Variants in VSIG10 observed in about 807,000 individuals in gnomAD.
VSIG10 encodes the protein V-set and immunoglobulin domain containing 10.
A neutral mutation model predicts 58.7 loss-of-function variants in VSIG10; 48 were observed. The ratio of observed to expected loss-of-function variants is 0.82; its 90% CI spans 0.65 to 1.04. VSIG10 has a LOEUF of 1.04. Among genes scored for constraint, VSIG10 ranks in the 50% least tolerant of loss-of-function variants. VSIG10 has a pLI of 0.00. For missense variants in VSIG10, 628 were observed against 670.0 expected (o/e 0.94, Z 0.69); for synonymous variants, 260 against 267.1 (o/e 0.97, Z 0.26).
At position 118,103,870 on chromosome 12, in the gene VSIG10, C is replaced by T. The variant is rs1161171364; in HGVS notation, c.-199G>A. On this transcript the variant is annotated 5_prime_UTR_variant, in exon 1 of 9. Coordinates refer to ENST00000359236, the MANE Select transcript of VSIG10 (RefSeq NM_019086.6). ...CGGCAGCGGAGCTCGGCTGCAGGCT[C>T]GGGTCCCCGCTCCCGAGCGCCCTGG... 2 of 458,700 alleles carry T rather than the reference C, an allele frequency of 4.4e-6. No individual in the cohort carries two copies. The highest frequency in any genetic ancestry group is 5.8e-4 in the Middle Eastern group (1 of 1,710). 28.4% of individuals were successfully genotyped at this position (458,700 alleles called of 1,614,324 possible).
chr12:118,095,870 C>T, intron 1 of VSIG10, 56 bp from the exon 2 acceptor site: 1 of 1,531,988 alleles, frequency 6.5e-7, no homozygotes, highest in East Asian at 2.4e-5. Flanking sequence ...AACAATGTCC[C>T]TTTTTGGACA....
chr12:118,088,785 G>A (rs2033208340), intron 2 of VSIG10, among the ~76,000 whole-genome samples: 1 of 152,038 alleles, frequency 6.6e-6, no homozygotes, highest in South Asian at 2.1e-4. Flanking sequence ...TCTGTGTCTG[G>A]TTTTCACAAA....
intron 2 of VSIG10, among the ~76,000 whole-genome samples, chr12:118,087,206 C>A (rs1566170732): frequency 6.6e-6 from 1 of 152,034 alleles, no homozygotes; most frequent in Admixed American, 6.6e-5. Context: ...CTTCACCTTT[C>A]AATTAACAGG....
At position 118,103,692 on chromosome 12, in the gene VSIG10, AG is replaced by A. The variant is rs765009199; in HGVS notation, c.-22del. 3.4e-6 allele frequency: 5 copies of A among 1,473,332 alleles called. No homozygotes were observed. Among genetic ancestry groups the A allele is most frequent in the Non-Finnish European group, 4.5e-6 (5 of 1,117,082 alleles). The allele number at this position is 1,473,332 out of a possible 1,614,324, so 91.3% of individuals were successfully genotyped here. ...GCCATCTCGCCCCAGATCCCGGCTC[AG>A]GAAACGCAGGCTCGGGCTGGGCTGG... On this transcript the variant is annotated 5_prime_UTR_variant, in exon 1 of 9. Coordinates refer to ENST00000359236, the MANE Select transcript of VSIG10 (RefSeq NM_019086.6).
chr12:118,084,496 C>T (rs558881846), intron 2 of VSIG10, among the ~76,000 whole-genome samples: 3 of 152,130 alleles, frequency 2.0e-5, no homozygotes, highest in South Asian at 4.1e-4. Flanking sequence ...AATCAACAAC[C>T]GACTTTCTCT....
At chr12:118,103,320 C>A (rs1027442110) in intron 1 of VSIG10, 6 of 354,784 alleles carry the variant, frequency 1.7e-5, no homozygotes, top group African/African-American at 9.3e-5. Flanking sequence ...ACTTTGCCCC[C>A]GCACGTCGGC....
At chr12:118,073,576 G>C (rs1478926799) in intron 5 of VSIG10, 123 bp downstream of exon 5, 1 of 1,140,584 alleles carries the variant, frequency 8.8e-7, no homozygotes, top group Non-Finnish European at 1.2e-6. Context: ...TAAGCAAGCA[G>C]ATATGCCTTC....
chr12:118,068,639 T>G, intron 7 of VSIG10, 42 bp from the exon 8 acceptor site: 1 of 1,490,726 alleles, frequency 6.7e-7, no homozygotes. Context: ...GATTTCTTAT[T>G]TTTCCCAACT....
In VSIG10 at chr12:118,073,826, G is replaced by C. The variant is rs771800461; in HGVS notation, c.1092C>G (p.Thr364=). ...TGAGGGTGGAGTTCTGGCCATCCTGGGTAATGAGATGGCGGCTGCTAGGCT... is the reference window on the plus strand; with the variant it reads ...TGAGGGTGGAGTTCTGGCCATCCTGCGTAATGAGATGGCGGCTGCTAGGCT... The part of the protein sequence containing the change: ...IIQPSSRHLI[T]QDGQNSTLTI... Residue 364 remains threonine (T), a synonymous_variant, in exon 5 of 9, where the codon ACC becomes ACG. Transcript: ENST00000359236. 12 of 1,613,958 alleles carry C rather than the reference G, an allele frequency of 7.4e-6. No individual in the cohort carries two copies. The East Asian group carries it at 2.7e-4, about 36-fold the overall frequency.
At chr12:118,091,291 GACCA>G (rs1365791075) in intron 2 of VSIG10, among the ~76,000 whole-genome samples, 2 of 152,076 alleles carry the variant, frequency 1.3e-5, no homozygotes, top group African/African-American at 4.8e-5. Flanking sequence ...AGGAGATCGA[GACCA>G]TCCTGGCTAA....
rs1566153771 is a variant in VSIG10, at chr12:118,069,554, C to A, written c.1347-957G>T. The stretch of plus-strand genomic sequence containing the variant: ...AATTCTCCTGCTTCAACCTCCCAAG[C>A]AGCTGGGATTACAGGCATGCGCCAC... On this transcript the variant is annotated intron_variant, in intron 7 of 8. Coordinates refer to ENST00000359236, the MANE Select transcript of VSIG10 (RefSeq NM_019086.6). Among the ~76,000 whole-genome samples the A allele has an allele frequency of 2.0e-5, 3 of 150,190 alleles. No individual in the cohort carries two copies. In the East Asian group the frequency reaches 6.0e-4, roughly 30 times the overall value.
At chr12:118,077,394 T>C (rs1159341950) in intron 4 of VSIG10, among the ~76,000 whole-genome samples, 4 of 152,184 alleles carry the variant, frequency 2.6e-5, no homozygotes, top group Non-Finnish European at 5.9e-5. Flanking sequence ...CTTTTATATA[T>C]ACCATTTTAT....
chr12:118,095,779 T>G lies in VSIG10; in HGVS notation c.115A>C (p.Asn39His). The change falls in exon 2 of 9, where the codon AAT (asparagine) becomes CAT (histidine). Residue 39 changes from asparagine (N) to histidine (H), a missense_variant. Asn to His is a moderately conservative substitution (Grantham distance 68, BLOSUM62 1). Coordinates refer to ENST00000359236, the MANE Select transcript of VSIG10 (RefSeq NM_019086.6). Reference protein sequence around the residue: ...EAVVIGEVHENVTLHCGNISG... With the variant: ...EAVVIGEVHEHVTLHCGNISG... ...ATGTTGCCACAGTGCAGAGTAACATTCTCATGAACTTCTCCAATGACAACA... is the reference window on the plus strand; with the variant it reads ...ATGTTGCCACAGTGCAGAGTAACATGCTCATGAACTTCTCCAATGACAACA... 6.2e-7 allele frequency: 1 copy of G among 1,612,204 alleles called. No individual in the cohort carries two copies. The highest frequency in any genetic ancestry group is 8.5e-7 in the Non-Finnish European group (1 of 1,179,176).
At chr12:118,101,324 T>C (rs1451041521) in intron 1 of VSIG10, among the ~76,000 whole-genome samples, 1 of 152,168 alleles carries the variant, frequency 6.6e-6, no homozygotes, top group East Asian at 1.9e-4. Context: ...ACCTCCTCAC[T>C]TTACTACTGA....
intron 1 of VSIG10, among the ~76,000 whole-genome samples, chr12:118,097,335 C>G (rs117827173): frequency 6.6e-6 from 1 of 152,082 alleles, no homozygotes; most frequent in South Asian, 2.1e-4. Context: ...GCAATGAGGC[C>G]GGGAGCCGTG....
At position 118,083,746 on chromosome 12, in the gene VSIG10, G is replaced by A. The variant is rs566307041; in HGVS notation, c.362-1317C>T. The stretch of plus-strand genomic sequence containing the variant: ...GCCCAGGCTGGTCTTGGACTCCCAG[G>A]TTCAAATGATCCACTCACCTTGGCC... On this transcript the variant is annotated intron_variant, in intron 2 of 8. Coordinates refer to ENST00000359236, the MANE Select transcript of VSIG10 (RefSeq NM_019086.6). Among the ~76,000 whole-genome samples, 3 of 152,144 alleles carry A rather than the reference G, an allele frequency of 2.0e-5. No individual in the cohort carries two copies. In the East Asian group the frequency reaches 5.8e-4, roughly 30 times the overall value.
chr12:118,096,596 C>G (rs61943494), intron 1 of VSIG10, among the ~76,000 whole-genome samples: 4 of 144,544 alleles, frequency 2.8e-5, no homozygotes, highest in East Asian at 2.1e-4. Context: ...AAAAAAAAAG[C>G]ACAAAAAATT....
intron 4 of VSIG10, among the ~76,000 whole-genome samples, chr12:118,077,177 G>A (rs987817375): frequency 2.0e-5 from 3 of 152,026 alleles, no homozygotes; most frequent in African/African-American, 4.8e-5. Flanking sequence ...CGATGCCCCG[G>A]CCACACTGGT....
chr12:118,094,343 C>G (rs1432823143), intron 2 of VSIG10, among the ~76,000 whole-genome samples: 1 of 151,966 alleles, frequency 6.6e-6, no homozygotes, highest in Non-Finnish European at 1.5e-5. Context: ...AAAATAAAAG[C>G]TTATTAATAT....
Sources: allele counts gnomAD v4.1 joint callset (sites outside exome capture counted in the v4.1 genomes callset), GRCh38; gene constraint gnomAD v4.1.1; transcripts MANE v1.5; gene names NCBI Gene and HGNC (gene_info 2026-07-23, HGNC 2026-07-21).